Variants in ARHGEF10L observed in about 807,000 individuals in gnomAD.
ARHGEF10L encodes Rho guanine nucleotide exchange factor 10 like, also known as rho guanine nucleotide exchange factor 10-like protein.
Under a neutral mutation model 141.2 loss-of-function variants are expected in ARHGEF10L, and 69 were observed. That is an observed-to-expected ratio of 0.49 (90% CI 0.40 to 0.60). ARHGEF10L has a LOEUF of 0.60. Ranked by LOEUF, ARHGEF10L falls within the 20% of genes least tolerant of loss-of-function variation. The pLI, the probability that ARHGEF10L is intolerant of heterozygous loss-of-function variation, is 0.00. For synonymous variants in ARHGEF10L, 711 were observed against 718.5 expected (o/e 0.99, Z 0.17); for missense variants, 1,482 against 1,734.3 (o/e 0.85, Z 2.58).
At chr1:17,642,096 T>G (rs1181605775) in intron 21 of ARHGEF10L, among the ~76,000 whole-genome samples, 1 of 151,920 alleles carries the variant, frequency 6.6e-6, no homozygotes, top group East Asian at 1.9e-4. Context: ...GGAAGAATAA[T>G]GACAAAAACA....
At chr1:17,629,805 C>G (rs114501497) in intron 15 of ARHGEF10L, among the ~76,000 whole-genome samples, 80 of 152,368 alleles carry the variant, frequency 5.3e-4, no homozygotes, top group Middle Eastern at 6.8e-3. Context: ...GGAATCTTCT[C>G]CTCTCCCCAC....
At chr1:17,596,756 G>A (rs1352579992) in intron 4 of ARHGEF10L, among the ~76,000 whole-genome samples, 2 of 152,170 alleles carry the variant, frequency 1.3e-5, no homozygotes, top group African/African-American at 4.8e-5. Context: ...AAAACAGGCT[G>A]GGGGCCCGGC....
Position 17,627,180 on chromosome 1 carries a change from G to C in ARHGEF10L, c.1411-150G>C. ...TGCATTAGCTGTTTCTTGAGGTCTT[G>C]TTCTGCATCTGGTGCCATCTGTCCT... is the stretch of plus-strand genomic sequence containing the variant. On this transcript the variant is annotated intron_variant, in intron 14 of 28. Coordinates refer to ENST00000361221, the MANE Select transcript of ARHGEF10L (RefSeq NM_018125.4). The surrounding 1 kb of genome is among the most constrained non-coding windows in gnomAD (Gnocchi z 4.0). 1.2e-6 allele frequency: 1 copy of C among 809,702 alleles called. No individual in the cohort carries two copies. The highest frequency in any genetic ancestry group is 1.9e-6 in the Non-Finnish European group (1 of 515,274). 50.2% of individuals were successfully genotyped at this position (809,702 alleles called of 1,614,324 possible).
At chr1:17,631,365 G>C (rs2060681258) in intron 15 of ARHGEF10L, among the ~76,000 whole-genome samples, 1 of 152,226 alleles carries the variant, frequency 6.6e-6, no homozygotes, top group Non-Finnish European at 1.5e-5. Context: ...TTGACATCCA[G>C]CCTGAGGTTG....
intron 21 of ARHGEF10L, among the ~76,000 whole-genome samples, chr1:17,645,955 G>C (rs1270505250): frequency 6.6e-6 from 1 of 152,182 alleles, no homozygotes; most frequent in Non-Finnish European, 1.5e-5. Flanking sequence ...CCCTTTCCCT[G>C]AGGGTCTCTT....
chr1:17,553,004 AC>A (rs1006647454), intron 1 of ARHGEF10L, among the ~76,000 whole-genome samples: 2 of 152,128 alleles, frequency 1.3e-5, no homozygotes, highest in African/African-American at 4.8e-5. Context: ...ACTTTGGGAC[AC>A]CCCAGTCCCT....
At chr1:17,520,646 C>G in the ARHGEF10L span, among the ~76,000 whole-genome samples, 1 of 152,202 alleles carries the variant, frequency 6.6e-6, no homozygotes, top group African/African-American at 2.4e-5. Flanking sequence ...GTGAGGAGAA[C>G]CGTGCTGGGT....
At position 17,629,939 on chromosome 1, in the gene ARHGEF10L, G is replaced by A. The variant is rs148705956; in HGVS notation, c.1585-2382G>A. ...AATTCCGTAGTGGTTGGGAAGAGCC[G>A]TTCTGCCCTCTCCTGCTCTGTGAGG... is the stretch of plus-strand genomic sequence containing the variant. On this transcript the variant is annotated intron_variant, in intron 15 of 28. Transcript: ENST00000361221. 1.6e-3 allele frequency among the ~76,000 whole-genome samples: 248 copies of A among 152,334 alleles called. 2 individuals are homozygous for A. Among genetic ancestry groups the A allele is most frequent in the South Asian group, 6.2e-3 (30 of 4,824 alleles).
chr1:17,622,746 T>C (rs1461039463), intron 11 of ARHGEF10L, among the ~76,000 whole-genome samples: 1 of 152,140 alleles, frequency 6.6e-6, no homozygotes, highest in Non-Finnish European at 1.5e-5. Context: ...TGCAGGCAGA[T>C]GGCGCATAAA....
chr1:17,595,763 C>T (rs917169448), intron 4 of ARHGEF10L, among the ~76,000 whole-genome samples: 4 of 152,118 alleles, frequency 2.6e-5, no homozygotes, highest in African/African-American at 7.2e-5. Flanking sequence ...CACACGAGGC[C>T]ATACCACGTG....
intron 26 of ARHGEF10L, among the ~76,000 whole-genome samples, chr1:17,677,007 G>A (rs993078787): frequency 6.6e-6 from 1 of 151,970 alleles, no homozygotes; most frequent in Non-Finnish European, 1.5e-5. Context: ...CAGGACTCTG[G>A]GCATCTCCCT....
At chr1:17,659,582 C>T (rs942737845) in intron 25 of ARHGEF10L, among the ~76,000 whole-genome samples, 7 of 152,214 alleles carry the variant, frequency 4.6e-5, no homozygotes, top group South Asian at 2.1e-4. Context: ...GCATCAACCT[C>T]GCAGGCTCTG....
At chr1:17,616,266 G>GGGTGGGTGGC in intron 9 of ARHGEF10L, 64 bp downstream of exon 9, 1 of 831,460 alleles carries the variant, frequency 1.2e-6, no homozygotes. Context: ...GGGAGGGTGG[G>GGGTGGGTGGC]ATTTTGCTTT....
chr1:17,600,883 C>T (rs2080583625), intron 4 of ARHGEF10L, among the ~76,000 whole-genome samples: 1 of 151,984 alleles, frequency 6.6e-6, no homozygotes, highest in African/African-American at 2.4e-5. Flanking sequence ...AACCCCATCT[C>T]TACCAAAAGT....
chr1:17,594,819 G>A (rs956728276), intron 4 of ARHGEF10L, among the ~76,000 whole-genome samples: 1 of 152,160 alleles, frequency 6.6e-6, no homozygotes, highest in African/African-American at 2.4e-5. Flanking sequence ...GCAGGGTGAT[G>A]AGACTCACCG....
rs1018838300 is a variant in ARHGEF10L, at chr1:17,654,112, C to T, written c.2395-524C>T. On this transcript the variant is annotated intron_variant, in intron 22 of 28. Coordinates refer to ENST00000361221, the MANE Select transcript of ARHGEF10L (RefSeq NM_018125.4). The surrounding 1 kb of genome is among the most constrained non-coding windows in gnomAD (Gnocchi z 4.3). ...AGAGAGAGGGACTGACCAGGTCTAG[C>T]TCAGGAGACAGGCCTCAGAGAGAGG... Among the ~76,000 whole-genome samples the T allele has an allele frequency of 6.6e-6, 1 of 152,222 alleles. No homozygotes were observed.
Position 17,697,633 on chromosome 1 carries a change from A to C in ARHGEF10L, c.*253A>C. ...TTCTTTTTAAAAGCAAAAAACACAA[A>C]ACCTCACAACTGCCTGGCAAGCCCA... On this transcript the variant is annotated 3_prime_UTR_variant, in exon 29 of 29. Transcript: ENST00000361221. This position sits in a 1 kb window ranked among gnomAD's most constrained non-coding sequence, Gnocchi z 4.8. The C allele has an allele frequency of 4.8e-6, 3 of 625,514 alleles. No homozygotes were observed. The highest frequency in any genetic ancestry group is 3.3e-5 in the East Asian group (1 of 30,296). The allele number at this position is 625,514 out of a possible 1,614,324, so 38.7% of individuals were successfully genotyped here.
chr1:17,546,725 C>T (rs1177613917), intron 1 of ARHGEF10L, among the ~76,000 whole-genome samples: 1 of 151,978 alleles, frequency 6.6e-6, no homozygotes, highest in Non-Finnish European at 1.5e-5. Context: ...TTGGCAAGGC[C>T]CAGTCTGGTC....
At chr1:17,576,071 C>T (rs557788198) in intron 1 of ARHGEF10L, among the ~76,000 whole-genome samples, 45 of 152,258 alleles carry the variant, frequency 3.0e-4, no homozygotes, top group South Asian at 8.3e-4. Flanking sequence ...CCTCAAGGCA[C>T]GACTTGCGCA....
Sources: gnomAD v4.1 joint callset for allele counts (sites outside exome capture counted in the v4.1 genomes callset) on GRCh38, gnomAD v4.1.1 for gene constraint, Gnocchi (gnomAD v3.1) non-coding constraint, MANE v1.5 for transcripts, NCBI Gene and HGNC (gene_info 2026-07-23, HGNC 2026-07-21) for gene names.